STARD3: variants seen among roughly 807,000 people sequenced by gnomAD.
STARD3 encodes the protein StAR related lipid transfer domain containing 3, also known as stAR-related lipid transfer protein 3.
Under a neutral mutation model 62.0 loss-of-function variants are expected in STARD3, and 39 were observed. The ratio of observed to expected loss-of-function variants is 0.63; its 90% confidence interval spans 0.49 to 0.82. STARD3 has a LOEUF of 0.82. Ranked by LOEUF, STARD3 falls within the 40% of genes least tolerant of loss-of-function variation. The pLI is 0.00. For synonymous variants in STARD3, 229 were observed against 242.4 expected (o/e 0.94, Z 0.51); for missense variants, 543 against 584.5 (o/e 0.93, Z 0.73).
At chr17:39,651,373 T>A (rs935971345) in intron 1 of STARD3, among the ~76,000 whole-genome samples, 2 of 152,122 alleles carry the variant, frequency 1.3e-5, no homozygotes, top group Non-Finnish European at 2.9e-5. Flanking sequence ...GCAGGACACC[T>A]CAGGAGGGGA....
chr17:39,659,992 T>TC (rs894620947), intron 9 of STARD3: 17 of 590,012 alleles, frequency 2.9e-5, no homozygotes, highest in Non-Finnish European at 4.2e-5. Flanking sequence ...GCTGCAGCTG[T>TC]CCCCCCGTCT....
intron 5 of STARD3, 69 bp downstream of exon 5, chr17:39,658,095 A>G: frequency 6.7e-7 from 1 of 1,485,106 alleles, no homozygotes; most frequent in Non-Finnish European, 9.2e-7. Flanking sequence ...AGAGAGGAGC[A>G]TTTCTCTAAT....
intron 1 of STARD3, among the ~76,000 whole-genome samples, chr17:39,649,159 C>T (rs973173754): frequency 8.5e-5 from 13 of 152,142 alleles, no homozygotes; most frequent in African/African-American, 1.9e-4. Flanking sequence ...ACATGGATGA[C>T]GATATGTTCT....
intron 1 of STARD3, among the ~76,000 whole-genome samples, chr17:39,647,625 G>A (rs2057039459): frequency 6.6e-6 from 1 of 152,178 alleles, no homozygotes; most frequent in Non-Finnish European, 1.5e-5. Flanking sequence ...AGACTGGCAG[G>A]TGGTCTGATG....
chr17:39,640,665 T>C (rs2056975537), intron 1 of STARD3, among the ~76,000 whole-genome samples: 1 of 150,994 alleles, frequency 6.6e-6, no homozygotes, highest in Non-Finnish European at 1.5e-5. Flanking sequence ...GGGGCCTGAT[T>C]CACTGGCCCT....
At chr17:39,659,185 G>C in intron 8 of STARD3, 79 bp downstream of exon 8, 1 of 1,573,568 alleles carries the variant, frequency 6.4e-7, no homozygotes, top group African/African-American at 1.3e-5. Flanking sequence ...CAGCCGGGGT[G>C]GGCAGGGGTT....
chr17:39,660,499 G>T lies in STARD3; in HGVS notation c.927G>T (p.Leu309=). The T allele has an allele frequency of 1.2e-6, 2 of 1,613,936 alleles. No homozygotes were observed. Among genetic ancestry groups the T allele is most frequent in the South Asian group, 2.2e-5 (2 of 91,084 alleles). Reference sequence around the variant, plus strand: ...TCCTGCAGCCCGAGAGGATGGTGCTGTGGAACAAGACAGTGACTGCCTGCC... The same window carrying T: ...TCCTGCAGCCCGAGAGGATGGTGCTTTGGAACAAGACAGTGACTGCCTGCC... ...EVILQPERMV[L]WNKTVTACQI... The change falls in exon 11 of 15, where the codon CTG becomes CTT. Residue 309 remains leucine (L), a synonymous_variant. Transcript: ENST00000336308. This position sits in a 1 kb window ranked among gnomAD's most constrained non-coding sequence, Gnocchi z 4.8.
At chr17:39,640,378 G>A (rs545021603) in intron 1 of STARD3, among the ~76,000 whole-genome samples, 10 of 152,314 alleles carry the variant, frequency 6.6e-5, no homozygotes, top group African/African-American at 2.2e-4. Context: ...CTCCAAGGGG[G>A]CAGGTGCCAC....
rs547432050 is a variant in STARD3 at position 39,660,348 on chromosome 17, G to T, written c.858+75G>T. 1 of 1,608,570 alleles carries T rather than the reference G, an allele frequency of 6.2e-7. No individual in the cohort carries two copies. The highest frequency in any genetic ancestry group is 2.2e-5 in the East Asian group (1 of 44,844). On this transcript the variant is annotated intron_variant, in intron 10 of 14. Coordinates refer to ENST00000336308, the MANE Select transcript of STARD3 (RefSeq NM_006804.4). The surrounding 1 kb of genome is among the most constrained non-coding windows in gnomAD (Gnocchi z 4.8). ...CCAGGAAGGTGCCGAGGGGCCCTCTGGTGGGTGCCCCCCACCAAGAGGGAA... is the reference window on the plus strand; with the variant it reads ...CCAGGAAGGTGCCGAGGGGCCCTCTTGTGGGTGCCCCCCACCAAGAGGGAA...
chr17:39,659,412 G>A (rs1486407044), intron 8 of STARD3, 49 bp from the exon 9 acceptor site: 1 of 1,560,950 alleles, frequency 6.4e-7, no homozygotes, highest in East Asian at 2.2e-5. Context: ...CGAACATGGT[G>A]GACTGCAGGC....
rs1057486732 is a variant in STARD3, at chr17:39,653,561, A to G, written c.30A>G (p.Arg10=). The G allele has an allele frequency of 3.1e-6, 5 of 1,606,900 alleles. No homozygotes were observed. Among genetic ancestry groups the G allele is most frequent in the Non-Finnish European group, 4.2e-6 (5 of 1,179,930 alleles). MSKLPRELT[R]DLERSLPAVA... ...GCAAGCTGCCCAGGGAGCTGACCCG[A>G]GACTTGGAGCGCAGCCTGCCTGCCG... The change falls in exon 2 of 15, where the codon CGA becomes CGG. Residue 10 remains arginine (R), a synonymous_variant. Coordinates refer to ENST00000336308, the MANE Select transcript of STARD3 (RefSeq NM_006804.4).
intron 2 of STARD3, among the ~76,000 whole-genome samples, chr17:39,654,314 A>G (rs1202041214): frequency 1.3e-5 from 2 of 152,072 alleles, no homozygotes; most frequent in African/African-American, 4.8e-5. Context: ...AGGTGGGAGG[A>G]TTGCTTGAGT....
At chr17:39,643,835 A>G (rs1169760731) in intron 1 of STARD3, among the ~76,000 whole-genome samples, 3 of 152,258 alleles carry the variant, frequency 2.0e-5, no homozygotes, top group Non-Finnish European at 4.4e-5. Context: ...ACTCTGTGTC[A>G]GAATCTCTTC....
At chr17:39,650,819 A>C (rs2057071614) in intron 1 of STARD3, among the ~76,000 whole-genome samples, 1 of 152,198 alleles carries the variant, frequency 6.6e-6, no homozygotes, top group Admixed American at 6.5e-5. Context: ...GCCTCTAAAA[A>C]AACAAACAAA....
At position 39,663,855 on chromosome 17, in the gene STARD3, C is replaced by T. The variant is rs966863911; in HGVS notation, c.*947C>T. Reference sequence around the variant, plus strand: ...CTGAGCTTCAGGGTCACTGAGGCACCTCTGGGATCCAGGCCACCTGGAGCC... The same window carrying T: ...CTGAGCTTCAGGGTCACTGAGGCACTTCTGGGATCCAGGCCACCTGGAGCC... On this transcript the variant is annotated 3_prime_UTR_variant, in exon 15 of 15. Coordinates refer to ENST00000336308, the MANE Select transcript of STARD3 (RefSeq NM_006804.4). Among the ~76,000 whole-genome samples the T allele has an allele frequency of 2.6e-5, 4 of 152,148 alleles. No homozygotes were observed. Among genetic ancestry groups the T allele is most frequent in the African/African-American group, 9.7e-5 (4 of 41,432 alleles).
In STARD3 at chr17:39,658,980, C is replaced by T. The variant is rs2057163727; in HGVS notation, c.647-71C>T. On this transcript the variant is annotated intron_variant, in intron 7 of 14. Coordinates refer to ENST00000336308, the MANE Select transcript of STARD3 (RefSeq NM_006804.4). ...TCCCCCACATCCTTGCACTCACATA[C>T]CCGAACCCCACTACCTCCCCACACT... 33 of 1,600,128 alleles carry T rather than the reference C, an allele frequency of 2.1e-5. No individual in the cohort carries two copies. In the South Asian group the frequency reaches 2.7e-4, roughly 13 times the overall value.
At position 39,658,047 on chromosome 17, in the gene STARD3, C is replaced by T. The variant is rs115598518; in HGVS notation, c.429+21C>T. The stretch of plus-strand genomic sequence containing the variant: ...CTGAGGTCAGTGGCTCAGGGTCTGG[C>T]CAGTCTGGTGGGCATCAGACCTGAG... On this transcript the variant is annotated intron_variant, in intron 5 of 14. Transcript: ENST00000336308. The T allele has an allele frequency of 9.3e-4, 1,452 of 1,553,340 alleles. 12 individuals carry two copies. The African/African-American group carries it at 0.017, about 18-fold the overall frequency.
chr17:39,659,480 A>T lies in STARD3; in HGVS notation c.722A>T (p.Gln241Leu). Residue 241 changes from glutamine to leucine, a missense_variant, in exon 9 of 15, where the codon CAG becomes CTG. Gln to Leu is a moderately radical substitution (Grantham distance 113, BLOSUM62 -2). Transcript: ENST00000336308. ...FSAQEREYIR[Q>L]GKEATAVVDQ... ...GTCCAGGAGCGGGAGTACATCCGCCAGGGGAAGGAGGCCACGGCAGTGGTG... is the reference window on the plus strand; with the variant it reads ...GTCCAGGAGCGGGAGTACATCCGCCTGGGGAAGGAGGCCACGGCAGTGGTG... The T allele has an allele frequency of 6.2e-7, 1 of 1,614,112 alleles. No individual in the cohort carries two copies. Among genetic ancestry groups the T allele is most frequent in the Non-Finnish European group, 8.5e-7 (1 of 1,180,016 alleles).
intron 14 of STARD3, 102 bp downstream of exon 14, chr17:39,662,446 G>A: frequency 8.6e-7 from 1 of 1,161,116 alleles, no homozygotes; most frequent in Non-Finnish European, 1.3e-6. Flanking sequence ...CCATGCCTGG[G>A]CCTCCCCTTT....
Sources: gnomAD v4.1 joint callset for allele counts (sites outside exome capture counted in the v4.1 genomes callset) on GRCh38, gnomAD v4.1.1 for gene constraint, Gnocchi (gnomAD v3.1) non-coding constraint, MANE v1.5 for transcripts, NCBI Gene and HGNC (gene_info 2026-07-23, HGNC 2026-07-21) for gene names.